The following CRYM variants were observed in gnomAD, a reference collection of about 807,000 sequenced individuals.
CRYM encodes the protein crystallin mu, also known as ketimine reductase mu-crystallin.
In CRYM, 18 loss-of-function variants were observed where a neutral mutation model predicts 32.9. The ratio of observed to expected loss-of-function variants is 0.55; its 90% CI spans 0.38 to 0.81. The LOEUF is 0.81. Among genes scored for constraint, CRYM ranks in the 30% least tolerant of loss-of-function variants. The pLI, the probability that CRYM is intolerant of heterozygous loss-of-function variation, is 0.00. For synonymous variants in CRYM, 153 were observed against 152.4 expected (o/e 1.00, Z -0.03); for missense variants, 337 against 393.5 (o/e 0.86, Z 1.21).
chr16:21,284,009 T>A (rs1156976041), intron 1 of CRYM: 1 of 152,224 alleles, frequency 6.6e-6, no homozygotes, highest in Non-Finnish European at 1.5e-5. Flanking sequence ...TCCTTCTGCC[T>A]GCGTCCTCTG....
chr16:21,262,446 T>C, intron 5 of CRYM: 3 of 369,782 alleles, frequency 8.1e-6, no homozygotes, highest in Non-Finnish European at 1.0e-5. Flanking sequence ...GGTGAAACCC[T>C]GTGTCTACTA....
rs773515002 is a variant in CRYM, at chr16:21,269,783, G to T, written c.489+7C>A. ...CTCTTCTCTCCCACCCCCACCCCTG[G>T]ACTTACCTCCTTAAAGGAGAACTGC... is the stretch of plus-strand genomic sequence containing the variant. On this transcript the variant is annotated splice_region_variant and intron_variant, in intron 4 of 7. Transcript: ENST00000572914. 8.3e-7 allele frequency: 1 copy of T among 1,197,816 alleles called. No homozygotes were observed. The highest frequency in any genetic ancestry group is 1.2e-6 in the Non-Finnish European group (1 of 822,166). 74.2% of individuals were successfully genotyped at this position (1,197,816 alleles called of 1,614,324 possible). A position where few individuals can be genotyped will look rare whatever the true frequency, so the allele number is the denominator to read the frequency against.
At chr16:21,301,493 T>A (rs1960929912) in intron 1 of CRYM, among the ~76,000 whole-genome samples, 1 of 151,984 alleles carries the variant, frequency 6.6e-6, no homozygotes, top group African/African-American at 2.4e-5. Context: ...CCAGACGGGC[T>A]GGCGAGGAAG....
intron 1 of CRYM, among the ~76,000 whole-genome samples, chr16:21,290,657 T>C (rs1272904701): frequency 1.3e-5 from 2 of 152,208 alleles, no homozygotes; most frequent in East Asian, 3.8e-4. Context: ...AGTCTTACAG[T>C]GACAGTTCAG....
chr16:21,278,058 C>G (rs759236517), intron 1 of CRYM, 24 bp downstream of exon 1: 2 of 1,536,664 alleles, frequency 1.3e-6, no homozygotes, highest in African/African-American at 1.4e-5. Context: ...TCTCCTGCCC[C>G]TGACCCCGAC....
chr16:21,259,311 T>G lies in CRYM; in HGVS notation c.881-466A>C, dbSNP rs2152860932. On this transcript the variant is annotated intron_variant, in intron 7 of 7. Transcript: ENST00000572914. ...TTAGTAGAGACAGGGTTTCACCATG[T>G]TGACCAGGCTAGTTTCAAACTCCTG... is the stretch of plus-strand genomic sequence containing the variant. 1.3e-5 allele frequency among the ~76,000 whole-genome samples: 2 copies of G among 151,902 alleles called. 1 individual carries two copies. Among genetic ancestry groups the G allele is most frequent in the East Asian group, 3.9e-4 (2 of 5,164 alleles).
chr16:21,294,566 C>T (rs978229303), intron 1 of CRYM, among the ~76,000 whole-genome samples: 1 of 152,014 alleles, frequency 6.6e-6, no homozygotes, highest in Non-Finnish European at 1.5e-5. Flanking sequence ...TGTGTTCTCA[C>T]TGTTCAACTC....
chr16:21,281,882 CT>C, upstream of CRYM, among the ~76,000 whole-genome samples: 1 of 152,210 alleles, frequency 6.6e-6, no homozygotes, highest in East Asian at 1.9e-4. Flanking sequence ...CTTCTCTCAC[CT>C]GTTGAATATG....
At chr16:21,273,834 A>G (rs574296095) in intron 3 of CRYM, among the ~76,000 whole-genome samples, 2 of 152,362 alleles carry the variant, frequency 1.3e-5, no homozygotes, top group East Asian at 3.9e-4. Context: ...ACAGTAATAC[A>G]AGATTCATTC....
chr16:21,262,231 G>C, intron 5 of CRYM, 73 bp from the exon 6 acceptor site: 1 of 1,600,662 alleles, frequency 6.2e-7, no homozygotes, highest in East Asian at 2.2e-5. Flanking sequence ...AAGCACAGGA[G>C]AGAGGTGAAC....
intron 1 of CRYM, among the ~76,000 whole-genome samples, chr16:21,297,516 G>A (rs1049759704): frequency 1.3e-5 from 2 of 152,218 alleles, no homozygotes; most frequent in Admixed American, 6.5e-5. Context: ...GGCAGAGCTT[G>A]TGTGTAAGAA....
Position 21,261,526 on chromosome 16 carries a change from G to C in CRYM, c.796-188C>G. On this transcript the variant is annotated intron_variant, in intron 6 of 7. Coordinates refer to ENST00000572914, the MANE Select transcript of CRYM (RefSeq NM_001376256.1). ...GGAGGCTGGCCCCGAAATCCTTTTG[G>C]GGTGGCATTTGCTTTTGTGATACCA... The C allele has an allele frequency of 8.1e-6, 5 of 619,010 alleles. 1 individual carries two copies. In the South Asian group the frequency reaches 9.8e-5, roughly 12 times the overall value. The allele number at this position is 619,010 out of a possible 1,614,324, so 38.3% of individuals were successfully genotyped here.
At chr16:21,261,405 C>T (rs1359238673) in intron 6 of CRYM, 67 bp from the exon 7 acceptor site, 1 of 1,146,970 alleles carries the variant, frequency 8.7e-7, no homozygotes, top group African/African-American at 1.6e-5. Flanking sequence ...CTTTTGAAGC[C>T]AGCCCAGGGA....
At chr16:21,291,843 A>G (rs1960664336) in intron 1 of CRYM, among the ~76,000 whole-genome samples, 1 of 152,106 alleles carries the variant, frequency 6.6e-6, no homozygotes. Flanking sequence ...GCCATTTGCA[A>G]ATATTTTGTC....
chr16:21,280,641 A>C (rs1444343142), upstream of CRYM, among the ~76,000 whole-genome samples: 1 of 152,232 alleles, frequency 6.6e-6, no homozygotes, highest in Non-Finnish European at 1.5e-5. Flanking sequence ...AATTATAAAC[A>C]GGATCTAAGG....
At chr16:21,294,631 C>G in intron 1 of CRYM, among the ~76,000 whole-genome samples, 1 of 151,218 alleles carries the variant, frequency 6.6e-6, no homozygotes, top group East Asian at 1.9e-4. Context: ...TGTTAGTTTG[C>G]TGAGAATGTT....
chr16:21,281,171 C>A (rs2152863768), upstream of CRYM, among the ~76,000 whole-genome samples: 1 of 149,892 alleles, frequency 6.7e-6, no homozygotes, highest in Non-Finnish European at 1.5e-5. Context: ...TATGTATATA[C>A]ATATATACGT....
At chr16:21,261,062 A>G (rs1597612610) in intron 7 of CRYM, 192 bp downstream of exon 7, 1 of 637,030 alleles carries the variant, frequency 1.6e-6, no homozygotes. Flanking sequence ...CGGGGAAGGG[A>G]CTCTGACCCA....
At chr16:21,287,676 C>G (rs1283810380) in intron 1 of CRYM, among the ~76,000 whole-genome samples, 2 of 152,218 alleles carry the variant, frequency 1.3e-5, no homozygotes, top group African/African-American at 4.8e-5. Context: ...GATACAAACT[C>G]TTGAACAATG....
Sources: allele counts gnomAD v4.1 joint callset (sites outside exome capture counted in the v4.1 genomes callset), GRCh38; gene constraint gnomAD v4.1.1; transcripts MANE v1.5; gene names NCBI Gene and HGNC (gene_info 2026-07-23, HGNC 2026-07-21).